SDK2: variants seen among roughly 807,000 people sequenced by gnomAD.
SDK2 encodes the protein protein sidekick-2.
A neutral mutation model predicts 253.9 loss-of-function variants in SDK2; 105 were observed. The ratio of observed to expected loss-of-function variants is 0.41; its 90% CI spans 0.35 to 0.49. The LOEUF (loss-of-function observed/expected upper bound fraction) is 0.49, where lower values mean the gene tolerates loss of function less well. Among genes scored for constraint, SDK2 ranks in the 20% least tolerant of loss-of-function variants. The pLI, the probability that SDK2 is intolerant of heterozygous loss-of-function variation, is 0.06. For missense variants in SDK2, 2,608 were observed against 3,003.0 expected, an observed-to-expected ratio of 0.87 and a Z score of 3.07; for synonymous variants, 1,249 against 1,234.9, an observed-to-expected ratio of 1.01 and a Z score of -0.24.
In SDK2 at chr17:73,385,883, C is replaced by T. The variant is rs117291342; in HGVS notation, c.4533G>A (p.Thr1511=). 3.2e-3 allele frequency: 5,110 copies of T among 1,608,626 alleles called. 169 individuals carry two copies. The East Asian group carries it at 0.079, about 25-fold the overall frequency. ...PDEAPTILSV[T]PHTTTSVLIR... is the part of the protein sequence containing the mutation. ...TTAGCACGGAGGTGGTGGTGTGGGG[C>T]GTCACGGAGAGGATGGTGGGTGCTT... Residue 1511 remains threonine (T), a synonymous_variant, in exon 32 of 45, where the codon ACG becomes ACA. Coordinates refer to ENST00000392650, the MANE Select transcript of SDK2 (RefSeq NM_001144952.2).
chr17:73,598,116 A>C (rs1461559699), intron 1 of SDK2, among the ~76,000 whole-genome samples: 2 of 151,976 alleles, frequency 1.3e-5, no homozygotes, highest in East Asian at 1.9e-4. Flanking sequence ...CCATCTCCCC[A>C]GGGGGAGGGT....
intron 10 of SDK2, among the ~76,000 whole-genome samples, chr17:73,433,314 G>A (rs1034922942): frequency 2.0e-5 from 3 of 151,452 alleles, no homozygotes; most frequent in Non-Finnish European, 2.9e-5. Context: ...ACGGAGTCTC[G>A]CTCTGTCTCC....
chr17:73,596,692 G>A (rs868174146), intron 1 of SDK2, among the ~76,000 whole-genome samples: 5 of 152,204 alleles, frequency 3.3e-5, no homozygotes, highest in African/African-American at 7.2e-5. Context: ...AGAAACAGGG[G>A]ACACAGGACA....
chr17:73,381,823 T>C (rs1196407182), intron 33 of SDK2, among the ~76,000 whole-genome samples: 1 of 152,004 alleles, frequency 6.6e-6, no homozygotes, highest in Non-Finnish European at 1.5e-5. Flanking sequence ...GAGAATCGCT[T>C]GAACCTGGGC....
At chr17:73,376,872 C>T (rs538537242) in intron 36 of SDK2, among the ~76,000 whole-genome samples, 2 of 152,292 alleles carry the variant, frequency 1.3e-5, no homozygotes, top group South Asian at 4.1e-4. Context: ...TCCTTCCTTC[C>T]TCCTCCTTCA....
intron 2 of SDK2, among the ~76,000 whole-genome samples, chr17:73,494,476 C>T (rs1490700318): frequency 1.3e-5 from 2 of 152,226 alleles, no homozygotes; most frequent in African/African-American, 4.8e-5. Context: ...CCCATTTTCT[C>T]CCCAAGCCAG....
At chr17:73,588,783 G>T (rs2045641773) in intron 1 of SDK2, among the ~76,000 whole-genome samples, 1 of 152,260 alleles carries the variant, frequency 6.6e-6, no homozygotes, top group Non-Finnish European at 1.5e-5. Flanking sequence ...TAGGGCCGGG[G>T]CGGCACAGTT....
At position 73,455,317 on chromosome 17, in the gene SDK2, G is replaced by T. The variant is rs566664973; in HGVS notation, c.479+589C>A. ...CCTTCTGCGGAGGTGTGGGGTGTTG[G>T]CTCCATCCTCCTGCCCACAGGCTGG... is the stretch of plus-strand genomic sequence containing the variant. On this transcript the variant is annotated intron_variant, in intron 4 of 44. Transcript: ENST00000392650. This position sits in a 1 kb window ranked among gnomAD's most constrained non-coding sequence, Gnocchi z 5.0. Among the ~76,000 whole-genome samples the T allele has an allele frequency of 3.3e-5, 5 of 152,284 alleles. No homozygotes were observed. The East Asian group carries it at 9.7e-4, about 29-fold the overall frequency.
chr17:73,365,144 T>G, intron 38 of SDK2, 114 bp downstream of exon 38: 1 of 726,842 alleles, frequency 1.4e-6, no homozygotes, highest in Non-Finnish European at 2.1e-6. Flanking sequence ...GTTTATAAGA[T>G]GGGGAGACTC....
chr17:73,499,412 C>G (rs1356863877), intron 2 of SDK2, among the ~76,000 whole-genome samples: 1 of 152,260 alleles, frequency 6.6e-6, no homozygotes, highest in Non-Finnish European at 1.5e-5. Flanking sequence ...GGGGACCCAG[C>G]CTGGGGCCGG....
intron 1 of SDK2, among the ~76,000 whole-genome samples, chr17:73,559,598 G>T (rs2045197298): frequency 2.5e-5 from 3 of 122,174 alleles, no homozygotes; most frequent in Admixed American, 7.9e-5. Context: ...CGCTCCCTGT[G>T]CCCCCCGCCC....
intron 36 of SDK2, among the ~76,000 whole-genome samples, chr17:73,373,848 G>C (rs532005853): frequency 2.6e-5 from 4 of 151,600 alleles, no homozygotes; most frequent in African/African-American, 9.7e-5. Context: ...TGTTGGCCAG[G>C]CTGGTCTCGA....
At chr17:73,569,482 G>C (rs930586353) in intron 1 of SDK2, among the ~76,000 whole-genome samples, 1 of 152,014 alleles carries the variant, frequency 6.6e-6, no homozygotes, top group African/African-American at 2.4e-5. Context: ...ACAGGCGTGA[G>C]GCACCGTGCT....
At chr17:73,468,245 G>A (rs116286671) in intron 3 of SDK2, among the ~76,000 whole-genome samples, 2,096 of 152,282 alleles carry the variant, frequency 0.014, 52 homozygotes, top group African/African-American at 0.046. Flanking sequence ...CTTCCTTAAG[G>A]TGATAATATA....
In SDK2 at chr17:73,352,469, G is replaced by C; in HGVS notation, c.5758+4C>G. 1.2e-6 allele frequency: 2 copies of C among 1,610,842 alleles called. No individual in the cohort carries two copies. The highest frequency in any genetic ancestry group is 1.7e-6 in the Non-Finnish European group (2 of 1,178,754). On this transcript the variant is annotated splice_donor_region_variant and intron_variant, in intron 41 of 44. Transcript: ENST00000392650. This position sits in a 1 kb window ranked among gnomAD's most constrained non-coding sequence, Gnocchi z 4.1. The stretch of plus-strand genomic sequence containing the variant: ...CCCCACTCCCTCAGCCCCCAGGCCG[G>C]TACCTGGCACAGACTGGGAGGGGCT...
At chr17:73,556,949 G>A (rs2045152967) in intron 1 of SDK2, among the ~76,000 whole-genome samples, 1 of 152,200 alleles carries the variant, frequency 6.6e-6, no homozygotes, top group Non-Finnish European at 1.5e-5. Flanking sequence ...ACAGTATGGG[G>A]CTATGATTAC....
intron 39 of SDK2, among the ~76,000 whole-genome samples, chr17:73,360,310 G>A (rs995826148): frequency 1.4e-4 from 22 of 152,320 alleles, no homozygotes; most frequent in African/African-American, 5.3e-4. Flanking sequence ...AATAGAAAGT[G>A]ACTGGCCAGA....
rs751663384 is a variant in SDK2, at chr17:73,424,080, C to T, written c.1596G>A (p.Glu532=). Residue 532 remains glutamate (E), a synonymous_variant, in exon 13 of 45, where the codon GAG becomes GAA. Transcript: ENST00000392650. ...DPRVTIRYIW[E]KDGATLGTES... ...CCGTGCCCAGGGTGGCCCCGTCCTT[C>T]TCCCAGATGTACCTAAAAGTAAGAA... is the stretch of plus-strand genomic sequence containing the variant. The T allele has an allele frequency of 1.9e-6, 3 of 1,611,946 alleles. No homozygotes were observed. The highest frequency in any genetic ancestry group is 4.5e-5 in the East Asian group (2 of 44,856).
chr17:73,611,879 T>A (rs1243784042), intron 1 of SDK2, among the ~76,000 whole-genome samples: 2 of 152,008 alleles, frequency 1.3e-5, no homozygotes, highest in African/African-American at 4.8e-5. Context: ...GATGAAAGTA[T>A]CTCCCGGCTC....
Sources: gnomAD v4.1 joint callset for allele counts (sites outside exome capture counted in the v4.1 genomes callset) on GRCh38, gnomAD v4.1.1 for gene constraint, Gnocchi (gnomAD v3.1) non-coding constraint, MANE v1.5 for transcripts, NCBI Gene and HGNC (gene_info 2026-07-23, HGNC 2026-07-21) for gene names.